The following PTGER3 variants were observed in gnomAD, a reference collection of about 807,000 sequenced individuals.
The protein encoded by PTGER3 is prostaglandin E2 receptor EP3 subtype.
PTGER3 carries 22 observed loss-of-function variants against 34.7 expected under a neutral mutation model. The observed-to-expected ratio is 0.63, with a 90% confidence interval of 0.45 to 0.91. PTGER3 has a LOEUF of 0.91. Ranked by LOEUF, PTGER3 falls within the 40% of genes least tolerant of loss-of-function variation. The pLI, the probability that PTGER3 is intolerant of heterozygous loss-of-function variation, is 0.00. For synonymous variants in PTGER3, 241 were observed against 230.1 expected (o/e 1.05, Z -0.43); for missense variants, 468 against 519.4 (o/e 0.90, Z 0.96).
intron 2 of PTGER3, among the ~76,000 whole-genome samples, chr1:70,975,551 C>T (rs1473962233): frequency 3.3e-5 from 5 of 151,952 alleles, no homozygotes; most frequent in East Asian, 1.9e-4. Context: ...TTAAACAGCA[C>T]GGCCATTTTA....
Position 71,008,927 on chromosome 1 carries a change from G to A in PTGER3, c.1077+3378C>T, listed in dbSNP as rs182538005. 1.5e-5 allele frequency: 15 copies of A among 981,280 alleles called. No homozygotes were observed. The Admixed American group carries it at 2.5e-4, about 16-fold the overall frequency. 60.8% of individuals were successfully genotyped at this position (981,280 alleles called of 1,614,324 possible). On this transcript the variant is annotated intron_variant, in intron 2 of 3. Transcript: ENST00000306666. ...TCCTAGAATCCTGTGTATTGCAGGAGAAGCTTTTGGGGTTAAATTATGAAA... is the reference window on the plus strand; with the variant it reads ...TCCTAGAATCCTGTGTATTGCAGGAAAAGCTTTTGGGGTTAAATTATGAAA...
chr1:70,999,487 G>A (rs1656281185), intron 2 of PTGER3, among the ~76,000 whole-genome samples: 1 of 152,194 alleles, frequency 6.6e-6, no homozygotes, highest in African/African-American at 2.4e-5. Flanking sequence ...CTTTCTGAAA[G>A]ACAAAATGTG....
At chr1:70,863,017 T>G (rs1306413823) in intron 4 of PTGER3, among the ~76,000 whole-genome samples, 1 of 151,912 alleles carries the variant, frequency 6.6e-6, no homozygotes, top group Non-Finnish European at 1.5e-5. Flanking sequence ...ACTTGTAGGA[T>G]GTAAAGTCAA....
chr1:71,004,331 G>A (rs1400783953), intron 2 of PTGER3, among the ~76,000 whole-genome samples: 1 of 152,088 alleles, frequency 6.6e-6, no homozygotes, highest in Admixed American at 6.6e-5. Flanking sequence ...TTTCAGTAGT[G>A]TCAGTTATAG....
intron 4 of PTGER3, among the ~76,000 whole-genome samples, chr1:70,919,047 C>G (rs1405103623): frequency 1.3e-5 from 2 of 152,092 alleles, no homozygotes; most frequent in African/African-American, 4.8e-5. Flanking sequence ...GGGACTCCTG[C>G]CTGGGCTTAT....
intron 2 of PTGER3, among the ~76,000 whole-genome samples, chr1:70,982,751 G>A (rs1236195073): frequency 2.6e-5 from 4 of 151,976 alleles, no homozygotes; most frequent in African/African-American, 9.7e-5. Context: ...TAAACATTAG[G>A]AGTAGTTATC....
chr1:70,935,395 A>G (rs779707600), intron 4 of PTGER3, among the ~76,000 whole-genome samples: 15 of 152,020 alleles, frequency 9.9e-5, no homozygotes, highest in Non-Finnish European at 2.2e-4. Flanking sequence ...ATTTATATAC[A>G]TAAATAGCAA....
At chr1:70,935,705 C>A (rs2100519418) in intron 4 of PTGER3, among the ~76,000 whole-genome samples, 1 of 133,304 alleles carries the variant, frequency 7.5e-6, no homozygotes, top group South Asian at 2.2e-4. Flanking sequence ...GTTCTGCTTT[C>A]TGCCTTTTAA....
intron 1 of PTGER3, among the ~76,000 whole-genome samples, chr1:71,030,560 G>A (rs533313002): frequency 6.6e-6 from 1 of 152,314 alleles, no homozygotes; most frequent in African/African-American, 2.4e-5. Context: ...ATCACTGGAT[G>A]TGAATGTTCT....
At chr1:70,937,434 A>T (rs1649329414) in intron 4 of PTGER3, among the ~76,000 whole-genome samples, 1 of 152,202 alleles carries the variant, frequency 6.6e-6, no homozygotes, top group Non-Finnish European at 1.5e-5. Flanking sequence ...GGAGGTCTGA[A>T]CAGGACAGAG....
intron 2 of PTGER3, among the ~76,000 whole-genome samples, chr1:70,983,062 C>G (rs1044093696): frequency 6.6e-6 from 1 of 151,948 alleles, no homozygotes; most frequent in East Asian, 1.9e-4. Context: ...AAAAAGGAGG[C>G]TCCCCAGACT....
At chr1:70,973,221 TG>T (rs1198377816) in intron 3 of PTGER3, among the ~76,000 whole-genome samples, 3 of 137,574 alleles carry the variant, frequency 2.2e-5, no homozygotes, top group Non-Finnish European at 3.2e-5. Flanking sequence ...GATAGATAGA[TG>T]ATAGATAGAT....
At chr1:70,866,473 G>A (rs1037533279) in intron 4 of PTGER3, among the ~76,000 whole-genome samples, 4 of 152,128 alleles carry the variant, frequency 2.6e-5, no homozygotes, top group East Asian at 1.9e-4. Flanking sequence ...CGAGTCCTGA[G>A]TTAATCATCC....
At chr1:70,952,378 A>T (rs942588862), downstream of PTGER3, 4 of 971,682 alleles carry the variant, frequency 4.1e-6, no homozygotes, top group African/African-American at 5.3e-5. Flanking sequence ...TGTTAATTCA[A>T]GGTTAATGTA....
chr1:70,913,844 T>A (rs1251219650), intron 4 of PTGER3, among the ~76,000 whole-genome samples: 1 of 151,890 alleles, frequency 6.6e-6, no homozygotes, highest in African/African-American at 2.4e-5. Context: ...TGATTTGTTA[T>A]GCTTTATATA....
downstream of PTGER3, chr1:70,952,383 A>G: frequency 1.0e-6 from 1 of 974,782 alleles, no homozygotes; most frequent in Non-Finnish European, 1.2e-6. Context: ...ATTCAAGGTT[A>G]ATGTAGGTTT....
At chr1:70,939,037 C>G (rs368992449) in intron 4 of PTGER3, among the ~76,000 whole-genome samples, 156 of 152,246 alleles carry the variant, frequency 1.0e-3, no homozygotes, top group African/African-American at 3.7e-3. Flanking sequence ...CCCCTGTGAG[C>G]CTGTAAAACC....
intron 2 of PTGER3, among the ~76,000 whole-genome samples, chr1:70,993,437 G>C (rs1190863801): frequency 6.6e-6 from 1 of 152,194 alleles, no homozygotes; most frequent in African/African-American, 2.4e-5. Context: ...AATTCACCAA[G>C]TATTGAAAAG....
chr1:70,863,390 A>C (rs1645971289), intron 4 of PTGER3, among the ~76,000 whole-genome samples: 2 of 152,140 alleles, frequency 1.3e-5, no homozygotes, highest in South Asian at 4.1e-4. Flanking sequence ...TTCAGGCTGA[A>C]TTTCACTGTC....
Sources: allele counts gnomAD v4.1 joint callset (sites outside exome capture counted in the v4.1 genomes callset), GRCh38; gene constraint gnomAD v4.1.1; transcripts MANE v1.5; gene names NCBI Gene and HGNC (gene_info 2026-07-23, HGNC 2026-07-21).